The following TMC6 variants were observed in gnomAD, a reference collection of about 807,000 sequenced individuals.
TMC6 encodes the protein transmembrane channel like 6.
A neutral mutation model predicts 95.4 loss-of-function variants in TMC6; 71 were observed. That is an observed-to-expected ratio of 0.74 (90% CI 0.61 to 0.91). The LOEUF is 0.91. Ranked by LOEUF, TMC6 falls within the 40% of genes least tolerant of loss-of-function variation. The pLI is 0.00. For missense variants in TMC6, 1,074 were observed against 1,079.1 expected (o/e 1.00, Z 0.07); for synonymous variants, 514 against 483.1 (o/e 1.06, Z -0.84).
chr17:78,113,450 A>T, intron 19 of TMC6, 98 bp downstream of exon 19: 1 of 1,432,728 alleles, frequency 7.0e-7, no homozygotes, highest in Non-Finnish European at 9.8e-7. Context: ...AAGTGTCAGC[A>T]ATGTCGTGGT....
chr17:78,131,494 AG>A, upstream of TMC6: 1 of 1,497,376 alleles, frequency 6.7e-7, no homozygotes, highest in African/African-American at 1.4e-5. Flanking sequence ...GCGTGCACAG[AG>A]GCCATAGCCA....
In TMC6 at chr17:78,119,308, C is replaced by G. The variant is rs754431939; in HGVS notation, c.1800G>C (p.Gln600His). 1.2e-6 allele frequency: 2 copies of G among 1,614,042 alleles called. No individual in the cohort carries two copies. The highest frequency in any genetic ancestry group is 3.3e-5 in the Admixed American group (2 of 60,030). Residue 600 changes from glutamine to histidine, a missense_variant, in exon 14 of 20, where the codon CAG becomes CAC. By Grantham distance (24) the Gln-to-His change is conservative. Coordinates refer to ENST00000590602, the MANE Select transcript of TMC6 (RefSeq NM_001127198.5). ...CAGAGGACCCTCACCAGGTCAGAGT[C>G]TGCCCATAAATCAGCTCCAGGACAT... ...ARNVLELIYG[Q>H]TLTWLGVLFS...
Position 78,125,267 on chromosome 17 carries a change from C to A in TMC6, c.431-4G>T, listed in dbSNP as rs760569150. 6 of 1,562,954 alleles carry A rather than the reference C, an allele frequency of 3.8e-6. No homozygotes were observed. In the African/African-American group the frequency reaches 5.4e-5, roughly 14 times the overall value. The stretch of plus-strand genomic sequence containing the variant: ...TTCACCAGGAGGCTCTGCTTCTCTG[C>A]GAGAGGGAGAGGGAGGTCCTGCCCA... On this transcript the variant is annotated splice_region_variant and splice_polypyrimidine_tract_variant and intron_variant, in intron 5 of 19. Transcript: ENST00000590602.
chr17:78,124,359 G>T, intron 8 of TMC6, 165 bp downstream of exon 8: 1 of 1,343,244 alleles, frequency 7.4e-7, no homozygotes, highest in Non-Finnish European at 1.0e-6. Flanking sequence ...AGCACGATGA[G>T]CATCCAGGGT....
intron 12 of TMC6, 60 bp downstream of exon 12, chr17:78,120,953 G>A (rs1337483435): frequency 1.2e-6 from 2 of 1,612,546 alleles, no homozygotes; most frequent in East Asian, 2.2e-5. Context: ...GATACACCCG[G>A]AGCTAAACAA....
chr17:78,117,593 G>C lies in TMC6; in HGVS notation c.2073C>G (p.Tyr691Ter), dbSNP rs200294759. ...CGPFRTLDTMYEAGRVWVRHL... is the reference protein window; with the variant it reads ...CGPFRTLDTM ...GGCGCACCCACACCCTGCCGGCCTC[G>C]TACATGGTGTCCAGGGTCCGGAAGG... Residue 691 changes from tyrosine to a stop codon, truncating the protein, a stop_gained, in exon 17 of 20, where the codon TAC (tyrosine) becomes TAG (stop). Coordinates refer to ENST00000590602, the MANE Select transcript of TMC6 (RefSeq NM_001127198.5). LOFTEE classifies it high-confidence loss of function. The C allele has an allele frequency of 1.9e-6, 3 of 1,583,734 alleles. No homozygotes were observed. Among genetic ancestry groups the C allele is most frequent in the Non-Finnish European group, 1.7e-6 (2 of 1,166,530 alleles).
rs539987155 is a variant in TMC6, at chr17:78,112,950, T to TA, written c.*197dup. 1.4e-4 allele frequency: 87 copies of TA among 629,210 alleles called. No individual in the cohort carries two copies. Among genetic ancestry groups the TA allele is most frequent in the Non-Finnish European group, 2.2e-4 (78 of 356,296 alleles). The allele number at this position is 629,210 out of a possible 1,614,324, so 39.0% of individuals were successfully genotyped here. ...GCAAAACCCCTTTAATCAGAATAAA[T>TA]AGAGTCCCAGGCAGGGCAGAGTTCA... On this transcript the variant is annotated 3_prime_UTR_variant, in exon 20 of 20. Transcript: ENST00000590602.
At chr17:78,123,940 G>A in intron 9 of TMC6, 49 bp downstream of exon 9, 12 of 1,601,318 alleles carry the variant, frequency 7.5e-6, no homozygotes, top group Non-Finnish European at 8.6e-6. Context: ...AAAGATGAAT[G>A]GATGGATGAG....
chr17:78,113,458 G>T, intron 19 of TMC6, 90 bp downstream of exon 19: 1 of 1,467,620 alleles, frequency 6.8e-7, no homozygotes, highest in Non-Finnish European at 9.5e-7. Flanking sequence ...GCAATGTCGT[G>T]GTGTAGCCCC....
In TMC6 at chr17:78,109,643, A is replaced by G. The variant is rs1354460000; in HGVS notation, c.*3505T>C. The G allele has an allele frequency of 2.3e-6, 1 of 438,108 alleles. No individual in the cohort carries two copies. The highest frequency in any genetic ancestry group is 2.0e-5 in the African/African-American group (1 of 49,698). The allele number at this position is 438,108 out of a possible 1,614,324, so 27.1% of individuals were successfully genotyped here. ...GACCCCATCTCAAAAAAGCAGAAGC[A>G]CATTTCCGAAGCCCCCCAAGCCCAC... On this transcript the variant is annotated 3_prime_UTR_variant, in exon 20 of 20. Transcript: ENST00000590602.
chr17:78,127,151 C>A, intron 1 of TMC6: 1 of 528,330 alleles, frequency 1.9e-6, no homozygotes, highest in Non-Finnish European at 3.4e-6. Flanking sequence ...TCTGCAGTTC[C>A]ACATCTGTTT....
chr17:78,116,133 C>G (rs570722209), intron 18 of TMC6, among the ~76,000 whole-genome samples: 2 of 151,880 alleles, frequency 1.3e-5, no homozygotes, highest in Non-Finnish European at 2.9e-5. Flanking sequence ...GACGCCACCA[C>G]GCCCAGCTGA....
At chr17:78,114,955 C>T (rs896694127) in intron 18 of TMC6, among the ~76,000 whole-genome samples, 2 of 152,230 alleles carry the variant, frequency 1.3e-5, no homozygotes, top group South Asian at 2.1e-4. Flanking sequence ...CTCTGCATTC[C>T]CCGCCCGGAC....
At chr17:78,119,499 G>C (rs971880590) in intron 13 of TMC6, 107 bp from the exon 14 acceptor site, 101 of 1,144,824 alleles carry the variant, frequency 8.8e-5, no homozygotes, top group Non-Finnish European at 1.2e-4. Flanking sequence ...GGACATCCTG[G>C]CCGTTCCACA....
Position 78,113,071 on chromosome 17 carries a change from G to A in TMC6, c.*77C>T. The A allele has an allele frequency of 6.8e-7, 1 of 1,480,456 alleles. No individual in the cohort carries two copies. The highest frequency in any genetic ancestry group is 9.2e-7 in the Non-Finnish European group (1 of 1,083,736). 91.7% of individuals were successfully genotyped at this position (1,480,456 alleles called of 1,614,324 possible). ...GCGAAACTGTCTTCCTTGTCCTGGT[G>A]TCCCAGCAGGGTCACTGGGAGGCAA... On this transcript the variant is annotated 3_prime_UTR_variant, in exon 20 of 20. Transcript: ENST00000590602.
chr17:78,124,169 G>A lies in TMC6; in HGVS notation c.902C>T (p.Thr301Ile), dbSNP rs745653333. Residue 301 changes from threonine to isoleucine, a missense_variant, in exon 9 of 20, where the codon ACC becomes ATC. Coordinates refer to ENST00000590602, the MANE Select transcript of TMC6 (RefSeq NM_001127198.5). Reference sequence around the variant, plus strand: ...GTGGCCGTAGTACATGACGGTGTGGGTGAAGCAACCCTGCCACAGGGAGAT... The same window carrying A: ...GTGGCCGTAGTACATGACGGTGTGGATGAAGCAACCCTGCCACAGGGAGAT... The part of the protein sequence containing the change: ...LELLTGAGCF[T>I]HTVMYYGHYS... 4 of 1,611,594 alleles carry A rather than the reference G, an allele frequency of 2.5e-6. No homozygotes were observed. The highest frequency in any genetic ancestry group is 1.1e-5 in the South Asian group (1 of 91,020).
At chr17:78,120,914 T>C in intron 12 of TMC6, 82 bp from the exon 13 acceptor site, 1 of 1,611,632 alleles carries the variant, frequency 6.2e-7, no homozygotes, top group African/African-American at 1.3e-5. Flanking sequence ...AGGGGCTTGG[T>C]CACACCGGCC....
Position 78,125,836 on chromosome 17 carries a change from T to C in TMC6, c.320A>G (p.Gln107Arg). The part of the protein sequence containing the change: ...IISQYYNRTV[Q>R]LRCRSSRPLL... ...GGGCCGGCTGCTCCTGCACCGAAGC[T>C]GCACCGTGCGGTTGTAGTACTGGGA... is the stretch of plus-strand genomic sequence containing the variant. Residue 107 changes from glutamine (Q) to arginine (R), a missense_variant, in exon 5 of 20, where the codon CAG (glutamine) becomes CGG (arginine). By Grantham distance (43) the Gln-to-Arg change is conservative (BLOSUM62 1). Transcript: ENST00000590602. The C allele has an allele frequency of 6.4e-7, 1 of 1,553,254 alleles. No individual in the cohort carries two copies. The highest frequency in any genetic ancestry group is 8.7e-7 in the Non-Finnish European group (1 of 1,148,344).
chr17:78,116,055 G>A (rs2144999764), intron 18 of TMC6, among the ~76,000 whole-genome samples: 1 of 152,152 alleles, frequency 6.6e-6, no homozygotes, highest in Non-Finnish European at 1.5e-5. Flanking sequence ...TGTCGCCCGG[G>A]CTGGAGTGCA....
Sources: allele counts gnomAD v4.1 joint callset (sites outside exome capture counted in the v4.1 genomes callset), GRCh38; gene constraint gnomAD v4.1.1; transcripts MANE v1.5; gene names NCBI Gene and HGNC (gene_info 2026-07-23, HGNC 2026-07-21).